Variants in MYO5B observed in about 807,000 individuals in gnomAD.
The protein encoded by MYO5B is myosin VB.
In MYO5B, 143 loss-of-function variants were observed where a neutral mutation model predicts 229.3. The ratio of observed to expected loss-of-function variants is 0.62; its 90% CI spans 0.54 to 0.72. MYO5B has a LOEUF of 0.72. Among genes scored for constraint, MYO5B ranks in the 30% least tolerant of loss-of-function variants. The pLI, the probability that MYO5B is intolerant of heterozygous loss-of-function variation, is 0.00. For missense variants in MYO5B, 2,321 were observed against 2,331.0 expected (o/e 1.00, Z 0.09); for synonymous variants, 918 against 885.2 (o/e 1.04, Z -0.66).
intron 4 of MYO5B, among the ~76,000 whole-genome samples, chr18:50,012,497 T>G (rs948417704): frequency 6.6e-6 from 1 of 152,260 alleles, no homozygotes; most frequent in Non-Finnish European, 1.5e-5. Context: ...CCTCATTAAC[T>G]GGACTTACAT....
chr18:49,970,293 C>G (rs1272922530), intron 10 of MYO5B, among the ~76,000 whole-genome samples: 1 of 152,180 alleles, frequency 6.6e-6, no homozygotes, highest in South Asian at 2.1e-4. Flanking sequence ...CTAAATTGTT[C>G]TGAGTACTGC....
At chr18:50,071,999 C>G (rs1161618579) in intron 1 of MYO5B, among the ~76,000 whole-genome samples, 3 of 152,182 alleles carry the variant, frequency 2.0e-5, no homozygotes, top group Non-Finnish European at 4.4e-5. Context: ...GGACAAGCAA[C>G]CCTCTAAGGC....
intron 2 of MYO5B, among the ~76,000 whole-genome samples, chr18:50,045,799 C>A (rs1056628514): frequency 6.6e-6 from 1 of 152,206 alleles, no homozygotes; most frequent in Non-Finnish European, 1.5e-5. Context: ...TCCACCACAG[C>A]CAATGTTCTA....
intron 21 of MYO5B, 116 bp downstream of exon 21, chr18:49,902,478 G>A (rs1361850611): frequency 1.5e-5 from 21 of 1,428,428 alleles, no homozygotes; most frequent in South Asian, 2.3e-5. Context: ...GTCTGAGGAC[G>A]TCTGTGCTCC....
At chr18:49,999,268 G>C (rs2026021063) in intron 5 of MYO5B, among the ~76,000 whole-genome samples, 2 of 152,224 alleles carry the variant, frequency 1.3e-5, no homozygotes, top group South Asian at 4.1e-4. Context: ...GAGAGAGCCT[G>C]CTTTCACTCT....
intron 17 of MYO5B, among the ~76,000 whole-genome samples, chr18:49,917,416 C>A (rs1348708335): frequency 1.3e-5 from 2 of 151,420 alleles, no homozygotes; most frequent in African/African-American, 4.8e-5. Flanking sequence ...GATCATTATC[C>A]CCGACCCCAT....
At chr18:49,937,138 C>T in intron 15 of MYO5B, 107 bp downstream of exon 15, 1 of 1,394,480 alleles carries the variant, frequency 7.2e-7, no homozygotes, top group Non-Finnish European at 1.0e-6. Context: ...CTACTGATGT[C>T]AAGGCTGCTG....
chr18:50,151,294 A>AC (rs1479402293), intron 1 of MYO5B, among the ~76,000 whole-genome samples: 1 of 152,176 alleles, frequency 6.6e-6, no homozygotes, highest in Non-Finnish European at 1.5e-5. Flanking sequence ...ACTATAGCCC[A>AC]CCACAAGTTC....
chr18:49,895,607 G>A (rs1488818927), intron 21 of MYO5B, among the ~76,000 whole-genome samples: 2 of 152,164 alleles, frequency 1.3e-5, no homozygotes, highest in Non-Finnish European at 2.9e-5. Flanking sequence ...ACAAAGAGTT[G>A]CAATCTAATC....
rs755694499 is a variant in MYO5B at position 49,875,706 on chromosome 18, T to G, written c.3518A>C (p.Gln1173Pro). ...LQVQLEKREQ[Q>P]DSKKVQAEPP... is the part of the protein sequence containing the mutation. The stretch of plus-strand genomic sequence containing the variant: ...ACGTACCTGGACTTTCTTGCTGTCC[T>G]GCTGTTCTCTCTTCTCCAGCTGCAC... The change falls in exon 26 of 40, where the codon CAG (glutamine) becomes CCG (proline). Residue 1173 changes from glutamine (Q) to proline (P), a missense_variant. Coordinates refer to ENST00000285039, the MANE Select transcript of MYO5B (RefSeq NM_001080467.3). 3 of 1,614,192 alleles carry G rather than the reference T, an allele frequency of 1.9e-6. No homozygotes were observed. The highest frequency in any genetic ancestry group is 1.7e-5 in the Admixed American group (1 of 60,028).
At chr18:50,075,024 C>T (rs11664789) in intron 1 of MYO5B, among the ~76,000 whole-genome samples, 45,183 of 152,018 alleles carry the variant, frequency 0.3, 7,699 homozygotes, top group Non-Finnish European at 0.39. Context: ...TCTCGAACTC[C>T]TGACCTCATG....
chr18:49,856,774 C>T (rs554734355), intron 30 of MYO5B, 39 bp downstream of exon 30: 24 of 1,551,794 alleles, frequency 1.5e-5, no homozygotes, highest in Non-Finnish European at 1.9e-5. Flanking sequence ...GCAGGCCCAA[C>T]GGACAAAGCA....
At chr18:49,928,779 A>G (rs1022919855) in intron 17 of MYO5B, among the ~76,000 whole-genome samples, 3 of 152,218 alleles carry the variant, frequency 2.0e-5, no homozygotes, top group Non-Finnish European at 2.9e-5. Context: ...ATGAAGTACT[A>G]CTCAGCCATA....
At chr18:49,829,264 G>A (rs1173739586) in intron 39 of MYO5B, among the ~76,000 whole-genome samples, 7 of 151,754 alleles carry the variant, frequency 4.6e-5, no homozygotes, top group Admixed American at 1.3e-4. Context: ...AATCAGAAAT[G>A]AAAGTGAGGA....
chr18:50,008,101 A>C (rs556349462), intron 4 of MYO5B, among the ~76,000 whole-genome samples: 1 of 152,322 alleles, frequency 6.6e-6, no homozygotes, highest in Non-Finnish European at 1.5e-5. Context: ...CTGTATAATA[A>C]AGCAGCCTTT....
Position 50,088,815 on chromosome 18 carries a change from C to A in MYO5B, c.28-33437G>T, listed in dbSNP as rs1417649760. Among the ~76,000 whole-genome samples the A allele has an allele frequency of 1.1e-3, 170 of 152,112 alleles. 5 individuals carry two copies. The highest frequency in any genetic ancestry group is 0.011 in the Admixed American group (168 of 15,268). ...GTTTTGCATATCTATCTTATCTATC[C>A]ATCAACACACTTCTTTTGAAGAAAG... On this transcript the variant is annotated intron_variant, in intron 1 of 39. Transcript: ENST00000285039.
chr18:49,864,994 T>C (rs16951164), intron 27 of MYO5B, among the ~76,000 whole-genome samples: 1,877 of 152,314 alleles, frequency 0.012, 31 homozygotes, highest in African/African-American at 0.04. Context: ...AACTCAACTT[T>C]GGAACATACT....
intron 4 of MYO5B, among the ~76,000 whole-genome samples, chr18:50,031,447 C>G (rs1221168932): frequency 6.6e-6 from 1 of 152,320 alleles, no homozygotes; most frequent in African/African-American, 2.4e-5. Flanking sequence ...GACAGCAACT[C>G]TGAGAATTAG....
At chr18:50,031,996 C>A (rs868699841) in intron 4 of MYO5B, among the ~76,000 whole-genome samples, 1 of 152,182 alleles carries the variant, frequency 6.6e-6, no homozygotes, top group African/African-American at 2.4e-5. Context: ...TTCCCAAACT[C>A]GTTTGGCCAA....
Sources: gnomAD v4.1 joint callset for allele counts (sites outside exome capture counted in the v4.1 genomes callset) on GRCh38, gnomAD v4.1.1 for gene constraint, MANE v1.5 for transcripts, NCBI Gene and HGNC (gene_info 2026-07-23, HGNC 2026-07-21) for gene names.